RCAN2: variants seen among roughly 807,000 people sequenced by gnomAD.
RCAN2 encodes the protein regulator of calcineurin 2, also known as calcipressin-2.
RCAN2 carries 9 observed loss-of-function variants against 23.6 expected under a neutral mutation model. The ratio of observed to expected loss-of-function variants is 0.38; its 90% confidence interval spans 0.23 to 0.67. RCAN2 has a LOEUF of 0.67. RCAN2 is among the 30% of genes least tolerant of loss of function. RCAN2 has a pLI of 0.51. For synonymous variants in RCAN2, 109 were observed against 115.7 expected, an observed-to-expected ratio of 0.94 and a Z score of 0.37; for missense variants, 273 against 302.3, an observed-to-expected ratio of 0.90 and a Z score of 0.72.
chr6:46,429,340 C>T (rs1051679182), intron 2 of RCAN2, among the ~76,000 whole-genome samples: 15 of 152,158 alleles, frequency 9.9e-5, no homozygotes, highest in Non-Finnish European at 1.3e-4. Flanking sequence ...CCAAAAGATA[C>T]GGGTTCCAGT....
At chr6:46,397,445 C>G (rs1766126627) in intron 2 of RCAN2, among the ~76,000 whole-genome samples, 1 of 151,616 alleles carries the variant, frequency 6.6e-6, no homozygotes, top group Non-Finnish European at 1.5e-5. Context: ...TGAGTAAGGT[C>G]TGAAGTCTAG....
chr6:46,442,223 T>A (rs1767569222), intron 2 of RCAN2, among the ~76,000 whole-genome samples: 1 of 152,226 alleles, frequency 6.6e-6, no homozygotes, highest in South Asian at 2.1e-4. Flanking sequence ...CTGAAAAAAG[T>A]AATGTTCTTA....
rs1766905630 is a variant in RCAN2, at chr6:46,422,233, C to CG, written c.225+34518_225+34519insC. On this transcript the variant is annotated intron_variant, in intron 2 of 4. Transcript: ENST00000371374. ...CAGCTGGTTGTAAAAAAGAGCCTGG[C>CG]ACCTCCCCGGCCCAGCCCTCTCTGG... is the stretch of plus-strand genomic sequence containing the variant. Among the ~76,000 whole-genome samples, 4 of 152,230 alleles carry CG rather than the reference C, an allele frequency of 2.6e-5. No individual in the cohort carries two copies. The South Asian group carries it at 8.3e-4, about 32-fold the overall frequency.
At chr6:46,260,154 C>A (rs1056492130) in intron 2 of RCAN2, among the ~76,000 whole-genome samples, 2 of 152,156 alleles carry the variant, frequency 1.3e-5, no homozygotes, top group Admixed American at 1.3e-4. Context: ...AAGTTCTAAC[C>A]CCATCCTGAG....
At chr6:46,421,508 T>A (rs1214152835) in intron 2 of RCAN2, among the ~76,000 whole-genome samples, 1 of 152,198 alleles carries the variant, frequency 6.6e-6, no homozygotes, top group East Asian at 1.9e-4. Context: ...AAATTTAAGA[T>A]GACAGTGAAA....
chr6:46,339,226 A>G (rs558576178), intron 2 of RCAN2, among the ~76,000 whole-genome samples: 42 of 152,174 alleles, frequency 2.8e-4, no homozygotes, highest in African/African-American at 9.6e-4. Flanking sequence ...ATGAAAAATT[A>G]TAATATGATG....
intron 2 of RCAN2, among the ~76,000 whole-genome samples, chr6:46,339,494 G>T (rs1404683101): frequency 6.6e-6 from 1 of 152,028 alleles, no homozygotes; most frequent in Non-Finnish European, 1.5e-5. Flanking sequence ...ACTATGAGTA[G>T]CCCAATATTG....
intron 2 of RCAN2, among the ~76,000 whole-genome samples, chr6:46,315,861 C>T (rs1009790751): frequency 6.6e-6 from 1 of 152,120 alleles, no homozygotes; most frequent in Non-Finnish European, 1.5e-5. Context: ...CCTGCTGTCT[C>T]CTGTTCTACA....
At chr6:46,445,238 A>G (rs550112464) in intron 2 of RCAN2, among the ~76,000 whole-genome samples, 1 of 152,284 alleles carries the variant, frequency 6.6e-6, no homozygotes, top group African/African-American at 2.4e-5. Context: ...CATAGGCTCT[A>G]GGTCCACCCC....
chr6:46,405,285 T>C (rs144118893), intron 2 of RCAN2, among the ~76,000 whole-genome samples: 1 of 152,208 alleles, frequency 6.6e-6, no homozygotes, highest in African/African-American at 2.4e-5. Flanking sequence ...CAAAGAGCGA[T>C]CAGCAGCAAG....
chr6:46,328,195 T>C (rs1763855420), intron 2 of RCAN2, among the ~76,000 whole-genome samples: 1 of 152,186 alleles, frequency 6.6e-6, no homozygotes, highest in African/African-American at 2.4e-5. Flanking sequence ...AGCTTTCCCT[T>C]TCTAATTTGA....
At chr6:46,460,328 C>T (rs941767958) in intron 1 of RCAN2, among the ~76,000 whole-genome samples, 2 of 152,192 alleles carry the variant, frequency 1.3e-5, no homozygotes, top group Non-Finnish European at 2.9e-5. Context: ...TCACAAAGTG[C>T]TGGGATTACA....
chr6:46,460,146 C>T (rs945553591), intron 1 of RCAN2, among the ~76,000 whole-genome samples: 2 of 152,018 alleles, frequency 1.3e-5, no homozygotes, highest in Non-Finnish European at 2.9e-5. Context: ...CAACCTCCAA[C>T]TCCTGGGTTC....
chr6:46,338,211 G>A (rs1052449270), intron 2 of RCAN2, among the ~76,000 whole-genome samples: 1 of 152,192 alleles, frequency 6.6e-6, no homozygotes, highest in Non-Finnish European at 1.5e-5. Context: ...CAGAAACTAG[G>A]TAGAAACCAA....
Position 46,325,864 on chromosome 6 carries a change from T to C in RCAN2, c.226-76968A>G, listed in dbSNP as rs1372570. On this transcript the variant is annotated intron_variant, in intron 2 of 4. Coordinates refer to ENST00000371374, the MANE Select transcript of RCAN2 (RefSeq NM_001251974.2). ...GCTAGGAACTGAGTCATAGCTGTTG[T>C]TGCAGCCGAGTGCTTATGTTTGCAA... 6.5e-3 allele frequency: 6,380 copies of C among 985,316 alleles called. 317 individuals are homozygous for C. The African/African-American group carries it at 0.1, about 16-fold the overall frequency. 61.0% of individuals were successfully genotyped at this position (985,316 alleles called of 1,614,324 possible).
intron 1 of RCAN2, among the ~76,000 whole-genome samples, chr6:46,458,466 T>C (rs1288557131): frequency 6.6e-6 from 1 of 152,138 alleles, no homozygotes; most frequent in Non-Finnish European, 1.5e-5. Flanking sequence ...ATCTCTAAAA[T>C]CAAATCATCA....
At chr6:46,242,393 G>A (rs1278895506) in intron 4 of RCAN2, among the ~76,000 whole-genome samples, 1 of 152,158 alleles carries the variant, frequency 6.6e-6, no homozygotes, top group African/African-American at 2.4e-5. Context: ...GCCTCTGGGG[G>A]CAGCCAGTCA....
chr6:46,468,747 C>T, intron 1 of RCAN2: 2 of 910,012 alleles, frequency 2.2e-6, no homozygotes, highest in African/African-American at 3.6e-5. Context: ...CCCCTCTCTT[C>T]TCTCTCCCCA....
chr6:46,382,561 G>T (rs1292064139), intron 2 of RCAN2, among the ~76,000 whole-genome samples: 1 of 152,094 alleles, frequency 6.6e-6, no homozygotes, highest in Non-Finnish European at 1.5e-5. Context: ...ACAAACTCCA[G>T]GTGAGTTAAA....
Sources: allele counts gnomAD v4.1 joint callset (sites outside exome capture counted in the v4.1 genomes callset), GRCh38; gene constraint gnomAD v4.1.1; transcripts MANE v1.5; gene names NCBI Gene and HGNC (gene_info 2026-07-23, HGNC 2026-07-21).